Variants in PDE3B observed in about 807,000 individuals in gnomAD.
The protein encoded by PDE3B is cGMP-inhibited 3',5'-cyclic phosphodiesterase 3B.
Under a neutral mutation model 116.8 loss-of-function variants are expected in PDE3B, and 66 were observed. The ratio of observed to expected loss-of-function variants is 0.56; its 90% CI spans 0.46 to 0.69. The LOEUF is 0.69. Among genes scored for constraint, PDE3B ranks in the 30% least tolerant of loss-of-function variants. The pLI, the probability that PDE3B is intolerant of heterozygous loss-of-function variation, is 0.00. For synonymous variants in PDE3B, 595 were observed against 533.6 expected (o/e 1.12, Z -1.59); for missense variants, 1,384 against 1,368.1 (o/e 1.01, Z -0.18).
At chr11:14,781,612 C>G (rs1021069679) in intron 2 of PDE3B, among the ~76,000 whole-genome samples, 1 of 152,078 alleles carries the variant, frequency 6.6e-6, no homozygotes, top group Admixed American at 6.6e-5. Context: ...ATTCAGCAGC[C>G]CTTCATGCTA....
chr11:14,814,578 T>C (rs902461830), intron 5 of PDE3B, among the ~76,000 whole-genome samples: 1 of 152,072 alleles, frequency 6.6e-6, no homozygotes, highest in Admixed American at 6.6e-5. Flanking sequence ...AGGGAAAAAT[T>C]TCCGTAACAA....
chr11:14,886,254 G>C, the PDE3B span: 2 of 229,306 alleles, frequency 8.7e-6, no homozygotes, highest in African/African-American at 4.5e-5. Flanking sequence ...CTGGGCTTCA[G>C]TATTGCCATA....
At chr11:14,828,907 A>G (rs534641737) in intron 7 of PDE3B, among the ~76,000 whole-genome samples, 1 of 152,334 alleles carries the variant, frequency 6.6e-6, no homozygotes, top group East Asian at 1.9e-4. Context: ...CATAGAATCA[A>G]CCTAAATATC....
At chr11:14,803,856 A>G (rs1858841591) in intron 4 of PDE3B, 88 bp from the exon 5 acceptor site, 1 of 765,172 alleles carries the variant, frequency 1.3e-6, no homozygotes, top group Non-Finnish European at 2.3e-6. Context: ...ATGAGGATAT[A>G]TTTGCTAATT....
In PDE3B at chr11:14,644,040, G is replaced by C. The variant is rs766481290; in HGVS notation, c.-36G>C. 1.4e-6 allele frequency: 2 copies of C among 1,440,448 alleles called. No individual in the cohort carries two copies. Among genetic ancestry groups the C allele is most frequent in the African/African-American group, 3.0e-5 (2 of 67,122 alleles). The allele number at this position is 1,440,448 out of a possible 1,614,324, so 89.2% of individuals were successfully genotyped here. A position where few individuals can be genotyped will look rare whatever the true frequency, so the allele number is the denominator to read the frequency against. On this transcript the variant is annotated 5_prime_UTR_variant, in exon 1 of 16. Coordinates refer to ENST00000282096, the MANE Select transcript of PDE3B (RefSeq NM_000922.4). The stretch of plus-strand genomic sequence containing the variant: ...GAGCGGCCGCTACGGTACGAGCGGG[G>C]TGTGCTGAGTCCCGTGGCCACCCCC...
intron 1 of PDE3B, among the ~76,000 whole-genome samples, chr11:14,681,913 C>G (rs1373982173): frequency 2.6e-5 from 4 of 152,108 alleles, no homozygotes; most frequent in Non-Finnish European, 5.9e-5. Flanking sequence ...ACTTTTGACT[C>G]CCCCAAACCT....
chr11:14,671,589 T>G (rs747519117), intron 1 of PDE3B, among the ~76,000 whole-genome samples: 17 of 152,128 alleles, frequency 1.1e-4, no homozygotes, highest in Non-Finnish European at 1.9e-4. Flanking sequence ...TATTCTTGCT[T>G]GTTTATGGGC....
At chr11:14,788,139 T>A (rs1465139299) in intron 3 of PDE3B, among the ~76,000 whole-genome samples, 1 of 151,946 alleles carries the variant, frequency 6.6e-6, no homozygotes, top group African/African-American at 2.4e-5. Flanking sequence ...TTCTTTGTGT[T>A]CTTTAAACTC....
chr11:14,879,285 C>T, the PDE3B span: 7 of 1,613,328 alleles, frequency 4.3e-6, no homozygotes, highest in East Asian at 1.6e-4. Flanking sequence ...CGTACAACTG[C>T]ATCTTCAGAG....
At chr11:14,722,639 C>G (rs976421671) in intron 1 of PDE3B, among the ~76,000 whole-genome samples, 16 of 152,122 alleles carry the variant, frequency 1.1e-4, no homozygotes, top group Admixed American at 9.2e-4. Flanking sequence ...CTGCCAATAA[C>G]CATGTGAGCG....
intron 1 of PDE3B, among the ~76,000 whole-genome samples, chr11:14,660,101 C>G (rs1166512368): frequency 6.6e-6 from 1 of 152,098 alleles, no homozygotes; most frequent in African/African-American, 2.4e-5. Flanking sequence ...TTAAAATCCT[C>G]CGAAATTAAT....
chr11:14,652,123 T>C (rs1219453811), intron 1 of PDE3B, among the ~76,000 whole-genome samples: 2 of 152,208 alleles, frequency 1.3e-5, no homozygotes, highest in African/African-American at 4.8e-5. Context: ...TGATTCATTT[T>C]GAGTTAATTT....
At chr11:14,678,740 G>C (rs1854604898) in intron 1 of PDE3B, among the ~76,000 whole-genome samples, 1 of 152,158 alleles carries the variant, frequency 6.6e-6, no homozygotes, top group African/African-American at 2.4e-5. Flanking sequence ...GTCTTTCAGA[G>C]AACCGAAGAT....
rs185074132 is a variant in PDE3B, at chr11:14,812,079, G to A, written c.1523-6104G>A. On this transcript the variant is annotated intron_variant, in intron 5 of 15. Transcript: ENST00000282096. Reference sequence around the variant, plus strand: ...GCAAGTTGAATGAACTAAGACAGTGGTCCCTTGTGACTATGGGTAGGAGCG... The same window carrying A: ...GCAAGTTGAATGAACTAAGACAGTGATCCCTTGTGACTATGGGTAGGAGCG... Among the ~76,000 whole-genome samples, 312 of 152,242 alleles carry A rather than the reference G, an allele frequency of 2.0e-3. 3 individuals are homozygous for A. Among genetic ancestry groups the A allele is most frequent in the Middle Eastern group, 0.014 (4 of 294 alleles).
intron 1 of PDE3B, among the ~76,000 whole-genome samples, chr11:14,686,629 A>G (rs1231750514): frequency 6.6e-6 from 1 of 152,266 alleles, no homozygotes; most frequent in Non-Finnish European, 1.5e-5. Flanking sequence ...CTTACTTTAA[A>G]TTTTAAATTA....
At chr11:14,656,170 A>C (rs1853711913) in intron 1 of PDE3B, among the ~76,000 whole-genome samples, 4 of 152,146 alleles carry the variant, frequency 2.6e-5, no homozygotes, top group Admixed American at 2.6e-4. Context: ...CTGAAAGTTT[A>C]CTGGTGTCAT....
chr11:14,669,513 T>G (rs1854300196), intron 1 of PDE3B, among the ~76,000 whole-genome samples: 1 of 148,276 alleles, frequency 6.7e-6, no homozygotes, highest in Non-Finnish European at 1.5e-5. Context: ...GTGCACAACG[T>G]GCAGGTTTGT....
At chr11:14,820,065 C>T (rs1859472191) in intron 7 of PDE3B, among the ~76,000 whole-genome samples, 1 of 152,128 alleles carries the variant, frequency 6.6e-6, no homozygotes, top group African/African-American at 2.4e-5. Flanking sequence ...AGGTTCTTCT[C>T]AATCCCTTTA....
chr11:14,746,378 C>CT (rs1362505525), intron 1 of PDE3B, among the ~76,000 whole-genome samples: 1 of 152,074 alleles, frequency 6.6e-6, no homozygotes, highest in Admixed American at 6.6e-5. Context: ...GAGTGACACT[C>CT]TATCTCAAAA....
Sources: allele counts gnomAD v4.1 joint callset (sites outside exome capture counted in the v4.1 genomes callset), GRCh38; gene constraint gnomAD v4.1.1; transcripts MANE v1.5; gene names NCBI Gene and HGNC (gene_info 2026-07-23, HGNC 2026-07-21).